The following NPIPB12 variants were observed in gnomAD, a reference collection of about 807,000 sequenced individuals.
The protein encoded by NPIPB12 is nuclear pore complex-interacting protein family member B12.
intron 4 of NPIPB12, among the ~76,000 whole-genome samples, chr16:29,490,510 G>A (rs1287887357): frequency 2.7e-5 from 4 of 149,538 alleles, no homozygotes; most frequent in East Asian, 4.0e-4. Context: ...CGAGGTGTGC[G>A]GATCATGTCA....
At chr16:29,504,570 C>T (rs1223169180) in intron 2 of NPIPB12, among the ~76,000 whole-genome samples, 2 of 148,692 alleles carry the variant, frequency 1.3e-5, no homozygotes, top group East Asian at 3.9e-4. Context: ...CTATATAAAT[C>T]TCAAAAATAA....
upstream of NPIPB12, among the ~76,000 whole-genome samples, chr16:29,506,262 G>T (rs1965239027): frequency 5.2e-5 from 1 of 19,336 alleles, no homozygotes; most frequent in Non-Finnish European, 6.8e-5. Flanking sequence ...TGTGGTGAGG[G>T]GTGAATGATT....
intron 1 of NPIPB12, among the ~76,000 whole-genome samples, chr16:29,497,167 T>A (rs1596717232): frequency 9.9e-6 from 1 of 100,534 alleles, no homozygotes; most frequent in African/African-American, 3.3e-5. Context: ...AAAAAAAAAA[T>A]ACAATGAAGA....
At chr16:29,504,483 G>C (rs1487222203) in intron 2 of NPIPB12, among the ~76,000 whole-genome samples, 2,995 of 132,958 alleles carry the variant, frequency 0.023, 13 homozygotes, top group African/African-American at 0.08. Flanking sequence ...CCAGCCTGGG[G>C]GACAGAGTGA....
intron 1 of NPIPB12, among the ~76,000 whole-genome samples, chr16:29,497,216 T>C (rs1447073591): frequency 1.2e-5 from 1 of 82,682 alleles, no homozygotes. Context: ...ATTTTAGTGC[T>C]TAAAAATTAA....
chr16:29,498,354 A>C (rs1359412276), intron 1 of NPIPB12, among the ~76,000 whole-genome samples: 2 of 147,226 alleles, frequency 1.4e-5, no homozygotes, highest in East Asian at 4.1e-4. Flanking sequence ...GTAGATCTTG[A>C]AAGGGGGTTG....
upstream of NPIPB12, among the ~76,000 whole-genome samples, chr16:29,501,861 A>C (rs1458438395): frequency 4.5e-5 from 3 of 66,774 alleles, no homozygotes; most frequent in Admixed American, 1.8e-4. Context: ...ACTCTGTCTC[A>C]AAAAAAAAAA....
intron 1 of NPIPB12, among the ~76,000 whole-genome samples, chr16:29,497,282 G>A (rs1345568309): frequency 4.3e-5 from 2 of 47,012 alleles, no homozygotes; most frequent in African/African-American, 9.0e-5. Context: ...TTGGGAAGCC[G>A]AGGTGGGTGG....
At chr16:29,504,223 C>T (rs1258157895), upstream of NPIPB12, among the ~76,000 whole-genome samples, 1 of 67,200 alleles carries the variant, frequency 1.5e-5, no homozygotes, top group Non-Finnish European at 2.9e-5. Context: ...AATAATTTTA[C>T]TTGGACCGGG....
At chr16:29,492,500 A>C (rs574351747) in intron 2 of NPIPB12, among the ~76,000 whole-genome samples, 1 of 75,024 alleles carries the variant, frequency 1.3e-5, no homozygotes, top group Admixed American at 1.4e-4. Context: ...CTCAAAAAAA[A>C]AAAAAAAAAA....
At chr16:29,495,213 C>T (rs1236628369) in intron 2 of NPIPB12, among the ~76,000 whole-genome samples, 2 of 144,440 alleles carry the variant, frequency 1.4e-5, no homozygotes, top group Non-Finnish European at 3.1e-5. Context: ...CCTCATACTC[C>T]ATTTGTGATA....
intron 1 of NPIPB12, among the ~76,000 whole-genome samples, chr16:29,498,369 A>T (rs1965167742): frequency 7.0e-6 from 1 of 142,814 alleles, no homozygotes; most frequent in East Asian, 2.2e-4. Flanking sequence ...GGGTTGGTTT[A>T]TGCTGGTGTA....
At chr16:29,497,227 C>A (rs1353491373) in intron 1 of NPIPB12, among the ~76,000 whole-genome samples, 1 of 74,132 alleles carries the variant, frequency 1.3e-5, no homozygotes, top group Non-Finnish European at 2.7e-5. Flanking sequence ...TAAAAATTAA[C>A]AAGGTGGGCT....
intron 2 of NPIPB12, among the ~76,000 whole-genome samples, chr16:29,504,514 ATGTGTGTGTGTGTGTGTGTGTGTG>A (rs375593232): frequency 1.5e-5 from 2 of 137,816 alleles, no homozygotes; most frequent in African/African-American, 5.4e-5. Context: ...CAAAAAATAT[ATGTGTGTGTGTGTGTGTGTGTGTG>A]TGTGTGTGTG....
At chr16:29,504,574 AAAAT>A (rs1965217019) in intron 2 of NPIPB12, among the ~76,000 whole-genome samples, 2 of 148,374 alleles carry the variant, frequency 1.3e-5, no homozygotes, top group Non-Finnish European at 3.0e-5. Flanking sequence ...ATAAATCTCA[AAAAT>A]AAAAGATCAT....
At chr16:29,504,530 G>C (rs1295470550) in intron 2 of NPIPB12, among the ~76,000 whole-genome samples, 1 of 141,188 alleles carries the variant, frequency 7.1e-6, no homozygotes, top group Non-Finnish European at 1.5e-5. Flanking sequence ...GTGTGTGTGT[G>C]TGTGTGTGTG....
At chr16:29,501,960 G>C (rs1210531098), upstream of NPIPB12, among the ~76,000 whole-genome samples, 2 of 20,630 alleles carry the variant, frequency 9.7e-5, no homozygotes, top group Non-Finnish European at 1.0e-4. Context: ...TAGAGCAAAA[G>C]TGAATGGCAG....
At chr16:29,498,417 A>T (rs1965169310) in intron 1 of NPIPB12, among the ~76,000 whole-genome samples, 1 of 114,368 alleles carries the variant, frequency 8.7e-6, no homozygotes, top group Admixed American at 9.3e-5. Flanking sequence ...ACTTAAGGTT[A>T]TATATTTTGG....
At chr16:29,504,492 G>T (rs1193261900) in intron 2 of NPIPB12, among the ~76,000 whole-genome samples, 1 of 127,602 alleles carries the variant, frequency 7.8e-6, no homozygotes, top group Non-Finnish European at 1.7e-5. Flanking sequence ...GGGACAGAGT[G>T]AAACTCTGTC....
Sources: gnomAD v4.1 joint callset for allele counts (sites outside exome capture counted in the v4.1 genomes callset) on GRCh38, gnomAD v4.1.1 for gene constraint, MANE v1.5 for transcripts, NCBI Gene and HGNC (gene_info 2026-07-23, HGNC 2026-07-21) for gene names.